The following LRRC17 variants were observed in gnomAD, a reference collection of about 807,000 sequenced individuals.
The protein encoded by LRRC17 is leucine rich repeat containing 17.
In LRRC17, 33 loss-of-function variants were observed where a neutral mutation model predicts 41.5. That is an observed-to-expected ratio of 0.80 (90% confidence interval 0.60 to 1.06). The LOEUF is 1.06. LRRC17 is among the 50% of genes least tolerant of loss of function. The probability of loss-of-function intolerance (pLI) is 0.00; values close to 1 mark genes in which losing one functional copy is unlikely to be tolerated. For synonymous variants in LRRC17, 192 were observed against 197.0 expected, an observed-to-expected ratio of 0.97 and a Z score of 0.21; for missense variants, 491 against 519.3, an observed-to-expected ratio of 0.95 and a Z score of 0.53.
At chr7:102,929,741 G>A (rs76188337) in intron 1 of LRRC17, among the ~76,000 whole-genome samples, 2,149 of 151,992 alleles carry the variant, frequency 0.014, 19 homozygotes, top group Non-Finnish European at 0.022. Context: ...AGGGCCGGGG[G>A]TTGAGAGAAA....
chr7:102,920,429 C>T (rs756068925), intron 1 of LRRC17, among the ~76,000 whole-genome samples: 18 of 152,122 alleles, frequency 1.2e-4, no homozygotes, highest in Non-Finnish European at 2.2e-4. Context: ...TGACTCACTG[C>T]AGCCTCAACC....
At chr7:102,931,585 G>C (rs574397655) in intron 1 of LRRC17, among the ~76,000 whole-genome samples, 1 of 152,100 alleles carries the variant, frequency 6.6e-6, no homozygotes, top group East Asian at 1.9e-4. Flanking sequence ...CATGTCTACT[G>C]GGGCCCAATT....
chr7:102,915,129 T>A (rs1164992485), intron 1 of LRRC17, among the ~76,000 whole-genome samples: 2 of 151,402 alleles, frequency 1.3e-5, no homozygotes, highest in African/African-American at 4.8e-5. Flanking sequence ...AATATTTTTT[T>A]TTTTTTTTTT....
intron 3 of LRRC17, among the ~76,000 whole-genome samples, chr7:102,941,268 A>C (rs924470377): frequency 7.2e-5 from 11 of 152,160 alleles, no homozygotes; most frequent in African/African-American, 2.7e-4. Context: ...TTAGTGTGCA[A>C]GTCAGTCACT....
intron 1 of LRRC17, among the ~76,000 whole-genome samples, chr7:102,922,399 A>G (rs1355373851): frequency 6.6e-6 from 1 of 152,290 alleles, no homozygotes; most frequent in East Asian, 1.9e-4. Flanking sequence ...ATGCAAAAAT[A>G]TAAATTAGTT....
intron 1 of LRRC17, among the ~76,000 whole-genome samples, chr7:102,927,689 A>G (rs1351923313): frequency 6.6e-6 from 1 of 152,218 alleles, no homozygotes; most frequent in Non-Finnish European, 1.5e-5. Flanking sequence ...ATGAGAGGCC[A>G]GTGCAGAGCT....
chr7:102,926,234 A>AT, intron 1 of LRRC17: 1 of 1,566,848 alleles, frequency 6.4e-7, no homozygotes, highest in Non-Finnish European at 8.7e-7. Context: ...CTTTGGGAGC[A>AT]TAATTTTTTT....
Position 102,934,478 on chromosome 7 carries a change from T to C in LRRC17, c.565T>C (p.Tyr189His), listed in dbSNP as rs551057116. ...QIPRNRNLGN[Y>H]AKCESPQEQK... ...TCCCAGGAACCGGAATTTGGGGAAC[T>C]ACGCCAAGTGTGAAAGTCCACAAGA... The change falls in exon 2 of 4, where the codon TAC (tyrosine) becomes CAC (histidine). Residue 189 changes from tyrosine (Y) to histidine (H), a missense_variant. Physicochemically the swap from Tyr to His is moderately conservative, Grantham distance 83. Coordinates refer to ENST00000339431, the MANE Select transcript of LRRC17 (RefSeq NM_001031692.3). 6 of 1,614,180 alleles carry C rather than the reference T, an allele frequency of 3.7e-6. No individual in the cohort carries two copies. The highest frequency in any genetic ancestry group is 2.2e-5 in the East Asian group (1 of 44,882).
chr7:102,913,805 A>G (rs1815258517), intron 1 of LRRC17, among the ~76,000 whole-genome samples: 1 of 152,230 alleles, frequency 6.6e-6, no homozygotes, highest in Non-Finnish European at 1.5e-5. Context: ...TTAAAGAAAG[A>G]CTAATTGATA....
At chr7:102,936,252 T>A (rs1820292672) in intron 2 of LRRC17, 1 of 152,188 alleles carries the variant, frequency 6.6e-6, no homozygotes, top group Non-Finnish European at 1.5e-5. Context: ...AGGAAGATAG[T>A]AACATTCCCA....
chr7:102,942,054 T>G (rs1379902805), intron 3 of LRRC17, among the ~76,000 whole-genome samples: 1 of 152,186 alleles, frequency 6.6e-6, no homozygotes, highest in Non-Finnish European at 1.5e-5. Context: ...TCACCAAATG[T>G]GTGTTCCTTG....
intron 1 of LRRC17, among the ~76,000 whole-genome samples, chr7:102,931,522 T>C (rs1819169934): frequency 6.6e-6 from 1 of 152,208 alleles, no homozygotes; most frequent in Non-Finnish European, 1.5e-5. Flanking sequence ...ACATATTCAT[T>C]TCCATCTTCT....
chr7:102,933,819 T>G lies in LRRC17; in HGVS notation c.-95T>G. 1 of 1,319,426 alleles carries G rather than the reference T, an allele frequency of 7.6e-7. No homozygotes were observed. Among genetic ancestry groups the G allele is most frequent in the Non-Finnish European group, 1.0e-6 (1 of 976,818 alleles). 81.7% of individuals were successfully genotyped at this position (1,319,426 alleles called of 1,614,324 possible). ...CAGCTGGGTCTCATTGTTCCAGAACTGCATTAGTTAAGATTACCCAGACTT... is the reference window on the plus strand; with the variant it reads ...CAGCTGGGTCTCATTGTTCCAGAACGGCATTAGTTAAGATTACCCAGACTT... On this transcript the variant is annotated 5_prime_UTR_variant, in exon 2 of 4. Transcript: ENST00000339431.
chr7:102,923,927 CCTATTTAA>C (rs1317867684), intron 1 of LRRC17, among the ~76,000 whole-genome samples: 1 of 151,264 alleles, frequency 6.6e-6, no homozygotes, highest in East Asian at 2.0e-4. Flanking sequence ...TAATTGGTTA[CCTATTTAA>C]CAACATTTAA....
intron 1 of LRRC17, among the ~76,000 whole-genome samples, chr7:102,925,569 C>T (rs2129471835): frequency 6.6e-6 from 1 of 152,222 alleles, no homozygotes; most frequent in South Asian, 2.1e-4. Context: ...GTGGGAGTCT[C>T]AACAGGTAGC....
chr7:102,930,273 G>A (rs1442256684), intron 1 of LRRC17, among the ~76,000 whole-genome samples: 1 of 152,178 alleles, frequency 6.6e-6, no homozygotes, highest in Non-Finnish European at 1.5e-5. Context: ...GGTGCCTCAT[G>A]ATTGGCATTC....
rs1272826667 is a variant in LRRC17, at chr7:102,944,341, T to C, written c.1060T>C (p.Cys354Arg). ...GTGGCTCAGAGATAACCCTTGGAGA[T>C]GTGACTACAACATTCACTACCTCTA... is the stretch of plus-strand genomic sequence containing the variant. ...LLWLRDNPWR[C>R]DYNIHYLYYW... The change falls in exon 4 of 4, where the codon TGT (cysteine) becomes CGT (arginine). Residue 354 changes from cysteine (C) to arginine (R), a missense_variant. By Grantham distance (180) the Cys-to-Arg change is radical. Transcript: ENST00000339431. 6.2e-7 allele frequency: 1 copy of C among 1,614,118 alleles called. No homozygotes were observed. Among genetic ancestry groups the C allele is most frequent in the Non-Finnish European group, 8.5e-7 (1 of 1,179,970 alleles).
chr7:102,919,552 A>G (rs1275474258), intron 1 of LRRC17, among the ~76,000 whole-genome samples: 2 of 152,338 alleles, frequency 1.3e-5, no homozygotes, highest in Admixed American at 1.3e-4. Context: ...TTTCTCAGAG[A>G]AAAGGAAAGT....
At chr7:102,920,879 C>A (rs781665254) in intron 1 of LRRC17, among the ~76,000 whole-genome samples, 3 of 152,148 alleles carry the variant, frequency 2.0e-5, no homozygotes, top group Non-Finnish European at 4.4e-5. Context: ...TCAGGCTGGG[C>A]GTGTTGGCTC....
Sources: allele counts gnomAD v4.1 joint callset (sites outside exome capture counted in the v4.1 genomes callset), GRCh38; gene constraint gnomAD v4.1.1; transcripts MANE v1.5; gene names NCBI Gene and HGNC (gene_info 2026-07-23, HGNC 2026-07-21).